The following UTP25 variants were observed in gnomAD, a reference collection of about 807,000 sequenced individuals.
The protein encoded by UTP25 is UTP25 small subunit processome component, also known as U3 small nucleolar RNA-associated protein 25 homolog.
UTP25 carries 50 observed loss-of-function variants against 78.9 expected under a neutral mutation model. The observed-to-expected ratio is 0.63, with a 90% confidence interval of 0.50 to 0.80. The LOEUF is 0.80. Ranked by LOEUF, UTP25 falls within the 30% of genes least tolerant of loss-of-function variation. The probability of loss-of-function intolerance (pLI) is 0.00; values close to 1 mark genes in which losing one functional copy is unlikely to be tolerated. For synonymous variants in UTP25, 329 were observed against 336.5 expected, an observed-to-expected ratio of 0.98 and a Z score of 0.24; for missense variants, 846 against 911.3, an observed-to-expected ratio of 0.93 and a Z score of 0.92.
At chr1:209,838,759 C>T (rs1209028798) in intron 6 of UTP25, 150 bp from the exon 7 acceptor site, 1 of 847,084 alleles carries the variant, frequency 1.2e-6, no homozygotes, top group Non-Finnish European at 2.0e-6. Flanking sequence ...TTGAGCCAAG[C>T]CCTGCGCAAA....
At chr1:209,842,521 C>T (rs745678723) in intron 9 of UTP25, 62 bp from the exon 10 acceptor site, 34 of 1,609,942 alleles carry the variant, frequency 2.1e-5, no homozygotes, top group Middle Eastern at 3.3e-4. Context: ...TAGAAGGAGG[C>T]GATAGCTTCT....
intron 3 of UTP25, among the ~76,000 whole-genome samples, chr1:209,831,825 C>T (rs1461696585): frequency 1.3e-5 from 2 of 152,094 alleles, no homozygotes; most frequent in African/African-American, 2.4e-5. Flanking sequence ...CAGTATGACT[C>T]CTTTTGTGTC....
chr1:209,840,471 T>C (rs954618317), intron 7 of UTP25, among the ~76,000 whole-genome samples: 1 of 152,176 alleles, frequency 6.6e-6, no homozygotes, highest in African/African-American at 2.4e-5. Context: ...CATAAGAAGC[T>C]CTCAAAAGTG....
intron 1 of UTP25, among the ~76,000 whole-genome samples, chr1:209,829,032 C>G (rs2078087776): frequency 6.6e-6 from 1 of 151,998 alleles, no homozygotes; most frequent in Non-Finnish European, 1.5e-5. Flanking sequence ...CCTTGGCCTC[C>G]CAAAGTGCTG....
In UTP25 at chr1:209,854,001, G is replaced by C. The variant is rs1013824966; in HGVS notation, c.*2554G>C. The C allele has an allele frequency of 3.9e-5, 6 of 152,206 alleles. No homozygotes were observed. Among genetic ancestry groups the C allele is most frequent in the Admixed American group, 2.0e-4 (3 of 15,284 alleles). The allele number at this position is 152,206 out of a possible 1,614,324, so 9.4% of individuals were successfully genotyped here. A position where few individuals can be genotyped will look rare whatever the true frequency, so the allele number is the denominator to read the frequency against. On this transcript the variant is annotated 3_prime_UTR_variant, in exon 12 of 12. Coordinates refer to ENST00000491415, the MANE Select transcript of UTP25 (RefSeq NM_014388.7). Reference sequence around the variant, plus strand: ...CTCTGCAGTTAGCCCTGGCTCCTTAGTGCATTGCAGAGTGGAGTCTCTGCA... The same window carrying C: ...CTCTGCAGTTAGCCCTGGCTCCTTACTGCATTGCAGAGTGGAGTCTCTGCA...
chr1:209,849,508 T>C (rs1572009484), intron 11 of UTP25, among the ~76,000 whole-genome samples: 1 of 152,156 alleles, frequency 6.6e-6, no homozygotes, highest in East Asian at 1.9e-4. Context: ...TGCCTGCGAT[T>C]AGGGGTGGGG....
chr1:209,833,332 A>G lies in UTP25; in HGVS notation c.536A>G (p.Asp179Gly), dbSNP rs1429029188. The G allele has an allele frequency of 6.3e-7, 1 of 1,582,978 alleles. No homozygotes were observed. The highest frequency in any genetic ancestry group is 8.6e-7 in the Non-Finnish European group (1 of 1,168,184). ...AATTTTCTGGAAGAGGAAAGTGGAG[A>G]CAACTCTTCTTTGAAAGCCTCTCAA... The part of the protein sequence containing the change: ...ETNFLEEESG[D>G]NSSLKASQDP... The change falls in exon 4 of 12, where the codon GAC (aspartate) becomes GGC (glycine). Residue 179 changes from aspartate to glycine, a missense_variant. Transcript: ENST00000491415.
Position 209,833,256 on chromosome 1 carries a change from C to CAAATCTGTGAA in UTP25, c.460_461insAAATCTGTGAA (p.Pro154GlnfsTer34), listed in dbSNP as rs1172788697. On this transcript the variant is annotated frameshift_variant, in exon 4 of 12. Transcript: ENST00000491415. LOFTEE classifies it high-confidence loss of function. ...GCCACCGGGCACATCACAAACATCC[C>CAAATCTGTGAA]CCGAAGAGTTCACAGATGCAAAACA... 1.9e-6 allele frequency: 3 copies of CAAATCTGTGAA among 1,613,196 alleles called. No homozygotes were observed. In the Admixed American group the frequency reaches 5.0e-5, roughly 27 times the overall value.
rs1415626008 is a variant in UTP25, at chr1:209,854,802, TAA to T, written c.*3356_*3357del. 1 of 152,184 alleles carries T rather than the reference TAA, an allele frequency of 6.6e-6. No homozygotes were observed. Among genetic ancestry groups the T allele is most frequent in the East Asian group, 1.9e-4 (1 of 5,186 alleles). 9.4% of individuals were successfully genotyped at this position (152,184 alleles called of 1,614,324 possible). A position where few individuals can be genotyped will look rare whatever the true frequency, so the allele number is the denominator to read the frequency against. ...AGGTGCCCAAAGCTTCGTGGAAAAG[TAA>T]TGTCAGTGGAATGCTCAGAAGTGGC... On this transcript the variant is annotated 3_prime_UTR_variant, in exon 12 of 12. Coordinates refer to ENST00000491415, the MANE Select transcript of UTP25 (RefSeq NM_014388.7).
chr1:209,829,249 T>G (rs1319217028), intron 1 of UTP25, among the ~76,000 whole-genome samples: 1 of 152,222 alleles, frequency 6.6e-6, no homozygotes, highest in Non-Finnish European at 1.5e-5. Context: ...AATCCGCTCT[T>G]CTAGCCATTT....
Position 209,851,274 on chromosome 1 carries a change from A to G in UTP25, c.2098A>G (p.Ile700Val). ...LPTYPHFYSEICNMLRATNRG... is the reference protein window; with the variant it reads ...LPTYPHFYSEVCNMLRATNRG... ...GACATATCCACACTTTTACAGTGAAATCTGTAATATGCTGAGAGCCACCAA... is the reference window on the plus strand; with the variant it reads ...GACATATCCACACTTTTACAGTGAAGTCTGTAATATGCTGAGAGCCACCAA... Residue 700 changes from isoleucine to valine, a missense_variant, in exon 12 of 12, where the codon ATC becomes GTC. Coordinates refer to ENST00000491415, the MANE Select transcript of UTP25 (RefSeq NM_014388.7). 2 of 1,614,146 alleles carry G rather than the reference A, an allele frequency of 1.2e-6. No homozygotes were observed. Among genetic ancestry groups the G allele is most frequent in the Non-Finnish European group, 1.7e-6 (2 of 1,180,002 alleles).
intron 8 of UTP25, 117 bp downstream of exon 8, chr1:209,841,172 C>A: frequency 9.9e-7 from 1 of 1,012,504 alleles, no homozygotes; most frequent in Non-Finnish European, 1.5e-6. Flanking sequence ...TGTTTGGAAG[C>A]AAGGACACAC....
intron 7 of UTP25, among the ~76,000 whole-genome samples, chr1:209,839,929 G>A (rs907341700): frequency 2.0e-5 from 3 of 152,186 alleles, no homozygotes; most frequent in Non-Finnish European, 4.4e-5. Context: ...ATGTCGTGGT[G>A]GAGGTGTCAT....
chr1:209,837,642 G>A (rs2078141176), intron 6 of UTP25, among the ~76,000 whole-genome samples: 1 of 152,190 alleles, frequency 6.6e-6, no homozygotes, highest in Admixed American at 6.5e-5. Context: ...GAATAGCAGA[G>A]ATGAGACAAG....
intron 7 of UTP25, among the ~76,000 whole-genome samples, chr1:209,839,790 T>C (rs958336518): frequency 3.3e-5 from 5 of 152,216 alleles, no homozygotes; most frequent in African/African-American, 4.8e-5. Context: ...ATAAAAGTTA[T>C]AGTTCCCATT....
rs539572947 is a variant in UTP25 at position 209,849,127 on chromosome 1, G to C, written c.2028-2077G>C. ...CTTGTTTCTCCTTGCAAGGCATGAA[G>C]TCGGGGGGAGGGGGTTCTCCTGGTC... On this transcript the variant is annotated intron_variant, in intron 11 of 11. Coordinates refer to ENST00000491415, the MANE Select transcript of UTP25 (RefSeq NM_014388.7). Among the ~76,000 whole-genome samples, 250 of 152,264 alleles carry C rather than the reference G, an allele frequency of 1.6e-3. 1 individual carries two copies. The highest frequency in any genetic ancestry group is 5.8e-3 in the African/African-American group (240 of 41,546).
chr1:209,843,906 A>T, intron 11 of UTP25: 1 of 625,010 alleles, frequency 1.6e-6, no homozygotes, highest in Non-Finnish European at 2.7e-6. Flanking sequence ...CTGAAGAAGG[A>T]TGTAGAAACC....
chr1:209,839,205 A>G, intron 7 of UTP25, 77 bp downstream of exon 7: 1 of 1,334,840 alleles, frequency 7.5e-7, no homozygotes, highest in Non-Finnish European at 1.0e-6. Flanking sequence ...GGAATTAGAT[A>G]TTTTCCCAGT....
intron 4 of UTP25, 41 bp from the exon 5 acceptor site, chr1:209,835,032 CTG>C: frequency 6.6e-7 from 1 of 1,514,802 alleles, no homozygotes; most frequent in Non-Finnish European, 9.1e-7. Context: ...CAAAACCCCT[CTG>C]TAGTTGCATA....
Sources: allele counts gnomAD v4.1 joint callset (sites outside exome capture counted in the v4.1 genomes callset), GRCh38; gene constraint gnomAD v4.1.1; transcripts MANE v1.5; gene names NCBI Gene and HGNC (gene_info 2026-07-23, HGNC 2026-07-21).